Variants in SMAD2 observed in about 807,000 individuals in gnomAD.
SMAD2 encodes SMAD family member 2, also known as MAD homolog 2.
A neutral mutation model predicts 64.4 loss-of-function variants in SMAD2; 8 were observed. That is an observed-to-expected ratio of 0.12 (90% CI 0.07 to 0.22). The LOEUF (loss-of-function observed/expected upper bound fraction) is 0.22, where lower values mean the gene tolerates loss of function less well. Ranked by LOEUF, SMAD2 falls within the 10% of genes least tolerant of loss-of-function variation. The pLI is 1.00. For synonymous variants in SMAD2, 203 were observed against 195.8 expected (o/e 1.04, Z -0.31); for missense variants, 289 against 561.2 (o/e 0.51, Z 4.90).
chr18:47,875,601 T>C (rs936246124), intron 2 of SMAD2, among the ~76,000 whole-genome samples: 6 of 152,128 alleles, frequency 3.9e-5, no homozygotes, highest in Non-Finnish European at 7.4e-5. Context: ...ATAACAACTA[T>C]ATAAAAAGCT....
At chr18:47,850,214 ATATATG>A (rs1167199886) in intron 7 of SMAD2, among the ~76,000 whole-genome samples, 1 of 80,064 alleles carries the variant, frequency 1.2e-5, no homozygotes, top group East Asian at 4.1e-4. Flanking sequence ...ATATTATTAT[ATATATG>A]TATAATATAT....
chr18:47,926,487 C>G (rs1007781633), intron 1 of SMAD2, among the ~76,000 whole-genome samples: 6 of 152,110 alleles, frequency 3.9e-5, no homozygotes, highest in Non-Finnish European at 8.8e-5. Flanking sequence ...ACAAGAGACA[C>G]TAGGCTAACA....
Position 47,830,883 on chromosome 18 carries a change from C to A in SMAD2, c.*10944G>T, listed in dbSNP as rs1005971488. On this transcript the variant is annotated 3_prime_UTR_variant, in exon 11 of 11. Coordinates refer to ENST00000262160, the MANE Select transcript of SMAD2 (RefSeq NM_005901.6). The stretch of plus-strand genomic sequence containing the variant: ...GAAAAATCCACATATATACAAAACT[C>A]TGCTAAAATTCCAATGGCTTCTCTA... 7.1e-5 allele frequency: 11 copies of A among 155,136 alleles called. No individual in the cohort carries two copies. Among genetic ancestry groups the A allele is most frequent in the African/African-American group, 2.6e-4 (11 of 41,554 alleles). The allele number at this position is 155,136 out of a possible 1,614,324, so 9.6% of individuals were successfully genotyped here.
At chr18:47,865,329 C>T (rs1958876113) in intron 5 of SMAD2, among the ~76,000 whole-genome samples, 196 bp from the exon 6 acceptor site, 1 of 152,064 alleles carries the variant, frequency 6.6e-6, no homozygotes. Context: ...CCTTAACATC[C>T]ACTTTTAATA....
intron 6 of SMAD2, among the ~76,000 whole-genome samples, chr18:47,856,748 T>C (rs931719679): frequency 3.3e-5 from 5 of 152,216 alleles, no homozygotes; most frequent in African/African-American, 9.7e-5. Flanking sequence ...CATTACAGCA[T>C]TGTTTTTTAA....
intron 9 of SMAD2, 53 bp downstream of exon 9, chr18:47,845,610 G>A: frequency 6.2e-7 from 1 of 1,606,418 alleles, no homozygotes; most frequent in South Asian, 1.1e-5. Flanking sequence ...TTAGCAACAA[G>A]AAAAACTAAG....
intron 1 of SMAD2, among the ~76,000 whole-genome samples, chr18:47,926,344 G>A (rs189853623): frequency 9.0e-4 from 137 of 152,264 alleles, no homozygotes; most frequent in Non-Finnish European, 1.6e-3. Flanking sequence ...GCTAATTGAT[G>A]AACATTCATT....
rs1476193225 is a variant in SMAD2, at chr18:47,813,342, A to T, written c.*28485T>A. 6.6e-6 allele frequency: 1 copy of T among 151,722 alleles called. No individual in the cohort carries two copies. The highest frequency in any genetic ancestry group is 1.5e-5 in the Non-Finnish European group (1 of 67,980). 9.4% of individuals were successfully genotyped at this position (151,722 alleles called of 1,614,324 possible). A position where few individuals can be genotyped will look rare whatever the true frequency, so the allele number is the denominator to read the frequency against. On this transcript the variant is annotated 3_prime_UTR_variant, in exon 11 of 11. Coordinates refer to ENST00000262160, the MANE Select transcript of SMAD2 (RefSeq NM_005901.6). The stretch of plus-strand genomic sequence containing the variant: ...AGCCTCGACTTCCTGGGCTCAAGCA[A>T]TCCTCCCACCTCAGCCTCTCAAGTA...
chr18:47,874,072 T>G (rs549980230), intron 2 of SMAD2, among the ~76,000 whole-genome samples: 1 of 152,312 alleles, frequency 6.6e-6, no homozygotes, highest in East Asian at 1.9e-4. Flanking sequence ...TACAGCATAT[T>G]CACAGATGAG....
chr18:47,843,474 C>G (rs1181350087), intron 10 of SMAD2, among the ~76,000 whole-genome samples: 1 of 152,188 alleles, frequency 6.6e-6, no homozygotes, highest in African/African-American at 2.4e-5. Flanking sequence ...CGATTAAATA[C>G]AAATTCTTCA....
intron 5 of SMAD2, among the ~76,000 whole-genome samples, chr18:47,865,486 TTTG>T (rs1161393276): frequency 1.3e-5 from 2 of 152,216 alleles, no homozygotes; most frequent in Non-Finnish European, 1.5e-5. Context: ...ACTACAATTT[TTTG>T]TTGTTGTTGT....
chr18:47,870,195 A>G (rs896642123), intron 3 of SMAD2, among the ~76,000 whole-genome samples: 6 of 152,152 alleles, frequency 3.9e-5, no homozygotes, highest in African/African-American at 1.4e-4. Context: ...TTATAATCTG[A>G]TCTCAAGCTA....
rs1308501499 is a variant in SMAD2, at chr18:47,827,735, G to C, written c.*14092C>G. 1 of 170,014 alleles carries C rather than the reference G, an allele frequency of 5.9e-6. No homozygotes were observed. The highest frequency in any genetic ancestry group is 1.2e-5 in the Non-Finnish European group (1 of 81,792). 10.5% of individuals were successfully genotyped at this position (170,014 alleles called of 1,614,324 possible). ...GACCGCGCATGATCTGCCCGCCTGG[G>C]CCTCCCGAGGTGCTGGGATTGCAGA... On this transcript the variant is annotated 3_prime_UTR_variant, in exon 11 of 11. Transcript: ENST00000262160.
chr18:47,851,228 G>C, intron 7 of SMAD2, 46 bp downstream of exon 7: 1 of 1,272,600 alleles, frequency 7.9e-7, no homozygotes, highest in Non-Finnish European at 1.1e-6. Flanking sequence ...TTATTAAGTA[G>C]GTGATACAGT....
At position 47,817,389 on chromosome 18, in the gene SMAD2, A is replaced by C. The variant is rs560093264; in HGVS notation, c.*24438T>G. On this transcript the variant is annotated 3_prime_UTR_variant, in exon 11 of 11. Coordinates refer to ENST00000262160, the MANE Select transcript of SMAD2 (RefSeq NM_005901.6). ...GACTTTACATCCCTCCTGGGATGAC[A>C]AAAGACTTTTTGTCTTTCCTGGCAA... is the stretch of plus-strand genomic sequence containing the variant. 1 of 152,368 alleles carries C rather than the reference A, an allele frequency of 6.6e-6. No individual in the cohort carries two copies. The highest frequency in any genetic ancestry group is 1.9e-4 in the East Asian group (1 of 5,184). The allele number at this position is 152,368 out of a possible 1,614,324, so 9.4% of individuals were successfully genotyped here. A position where few individuals can be genotyped will look rare whatever the true frequency, so the allele number is the denominator to read the frequency against.
chr18:47,851,509 A>G (rs1051563525), intron 6 of SMAD2, among the ~76,000 whole-genome samples, 182 bp from the exon 7 acceptor site: 48 of 125,318 alleles, frequency 3.8e-4, no homozygotes, highest in African/African-American at 1.3e-3. Flanking sequence ...GGGGAAGAGA[A>G]GGGGGGGTTC....
intron 7 of SMAD2, among the ~76,000 whole-genome samples, chr18:47,850,209 AT>A (rs1188856268): frequency 6.8e-4 from 58 of 85,048 alleles, no homozygotes; most frequent in South Asian, 1.5e-3. Context: ...TATATATATT[AT>A]TATATATATG....
At chr18:47,909,514 C>A (rs1208264965) in intron 1 of SMAD2, among the ~76,000 whole-genome samples, 1 of 152,110 alleles carries the variant, frequency 6.6e-6, no homozygotes, top group African/African-American at 2.4e-5. Context: ...AAAACTGCCA[C>A]AAAGGACATT....
chr18:47,883,489 C>A (rs180920428), intron 2 of SMAD2, among the ~76,000 whole-genome samples: 2 of 152,134 alleles, frequency 1.3e-5, no homozygotes, highest in African/African-American at 4.8e-5. Context: ...ATAAATATCA[C>A]GTAGGTAGTT....
Sources: gnomAD v4.1 joint callset for allele counts (sites outside exome capture counted in the v4.1 genomes callset) on GRCh38, gnomAD v4.1.1 for gene constraint, MANE v1.5 for transcripts, NCBI Gene and HGNC (gene_info 2026-07-23, HGNC 2026-07-21) for gene names.